The following DNAJB6 variants were observed in gnomAD, a reference collection of about 807,000 sequenced individuals.
DNAJB6 encodes the protein dnaJ homolog subfamily B member 6.
A neutral mutation model predicts 42.7 loss-of-function variants in DNAJB6; 16 were observed. The observed-to-expected ratio is 0.37, with a 90% CI of 0.25 to 0.57. The LOEUF (loss-of-function observed/expected upper bound fraction) is 0.57, where lower values mean the gene tolerates loss of function less well. Ranked by LOEUF, DNAJB6 falls within the 20% of genes least tolerant of loss-of-function variation. The pLI is 0.74. For synonymous variants in DNAJB6, 170 were observed against 163.5 expected, an observed-to-expected ratio of 1.04 and a Z score of -0.30; for missense variants, 347 against 416.8, an observed-to-expected ratio of 0.83 and a Z score of 1.46.
At chr7:157,398,038 T>C (rs903721749) in intron 8 of DNAJB6, among the ~76,000 whole-genome samples, 4 of 152,246 alleles carry the variant, frequency 2.6e-5, no homozygotes, top group Admixed American at 6.5e-5. Context: ...TTGTTCAGCC[T>C]TCGTACCTGC....
intron 5 of DNAJB6, among the ~76,000 whole-genome samples, chr7:157,372,718 C>A (rs112786953): frequency 6.6e-6 from 1 of 152,066 alleles, no homozygotes; most frequent in African/African-American, 2.4e-5. Context: ...GAGTTTGATC[C>A]GTACCACAAA....
chr7:157,377,312 G>A (rs1800523059), intron 5 of DNAJB6, among the ~76,000 whole-genome samples: 1 of 152,136 alleles, frequency 6.6e-6, no homozygotes, highest in Admixed American at 6.5e-5. Flanking sequence ...CCTTAGGTAG[G>A]AATTTGGGCA....
Position 157,416,204 on chromosome 7 carries a change from G to A in DNAJB6, c.*106G>A. The A allele has an allele frequency of 2.0e-6, 3 of 1,508,174 alleles. No individual in the cohort carries two copies. Among genetic ancestry groups the A allele is most frequent in the East Asian group, 2.5e-5 (1 of 40,544 alleles). 93.4% of individuals were successfully genotyped at this position (1,508,174 alleles called of 1,614,324 possible). ...TAGCAGCGTCGGTCAGGACTGTCTC[G>A]AGGCCACACTCGCTCGGCAGGATTA... On this transcript the variant is annotated 3_prime_UTR_variant, in exon 10 of 10. Transcript: ENST00000262177.
intron 8 of DNAJB6, among the ~76,000 whole-genome samples, chr7:157,386,482 G>A (rs761551543): frequency 1.8e-4 from 27 of 152,190 alleles, no homozygotes; most frequent in Non-Finnish European, 3.2e-4. Flanking sequence ...TGTAAGTTGT[G>A]ATTTAGCAAT....
At chr7:157,370,409 CCTTT>C (rs1453030248) in intron 5 of DNAJB6, among the ~76,000 whole-genome samples, 1 of 152,004 alleles carries the variant, frequency 6.6e-6, no homozygotes, top group African/African-American at 2.4e-5. Flanking sequence ...TTAAATGGGC[CCTTT>C]CTTAACATTA....
At chr7:157,385,487 C>T (rs1801005354) in intron 7 of DNAJB6, 54 bp from the exon 8 acceptor site, 1 of 1,574,384 alleles carries the variant, frequency 6.4e-7, no homozygotes. Context: ...TAGTTACCCT[C>T]ACACATGCAT....
intron 1 of DNAJB6, among the ~76,000 whole-genome samples, chr7:157,344,990 T>C (rs1798610774): frequency 6.6e-6 from 1 of 152,142 alleles, no homozygotes. Flanking sequence ...TTTTTGTTTA[T>C]TTTTATTTAT....
intron 1 of DNAJB6, among the ~76,000 whole-genome samples, chr7:157,351,081 T>C (rs888543111): frequency 6.6e-6 from 1 of 152,022 alleles, no homozygotes; most frequent in Non-Finnish European, 1.5e-5. Flanking sequence ...ATTACAGGAA[T>C]GTGCCACCAT....
intron 8 of DNAJB6, among the ~76,000 whole-genome samples, chr7:157,391,642 C>G (rs75623025): frequency 0.014 from 2,158 of 152,312 alleles, 42 homozygotes; most frequent in African/African-American, 0.049. Flanking sequence ...GTGGCAGCAC[C>G]CACTGGGTCT....
intron 8 of DNAJB6, among the ~76,000 whole-genome samples, chr7:157,388,810 C>T (rs1801206316): frequency 1.3e-5 from 2 of 152,110 alleles, no homozygotes; most frequent in South Asian, 4.1e-4. Flanking sequence ...TTGTCATCTC[C>T]TGTTTTCCTA....
chr7:157,367,459 G>A lies in DNAJB6; in HGVS notation c.322G>A (p.Asp108Asn), dbSNP rs757082027. 2 of 1,610,570 alleles carry A rather than the reference G, an allele frequency of 1.2e-6. No homozygotes were observed. Among genetic ancestry groups the A allele is most frequent in the African/African-American group, 2.7e-5 (2 of 74,842 alleles). ...DVFREFFGGR[D>N]PFSFDFFEDP... is the part of the protein sequence containing the mutation. ...CTTCAGGGAATTTTTTGGTGGAAGG[G>A]ACCCATTTTCATTTGACTTCTTTGG... Residue 108 changes from aspartate to asparagine, a missense_variant, in exon 5 of 10, where the codon GAC becomes AAC. Coordinates refer to ENST00000262177, the MANE Select transcript of DNAJB6 (RefSeq NM_058246.4).
intron 1 of DNAJB6, among the ~76,000 whole-genome samples, chr7:157,349,625 C>T (rs995181562): frequency 1.3e-5 from 2 of 151,914 alleles, no homozygotes; most frequent in Non-Finnish European, 2.9e-5. Context: ...TGGGACCATG[C>T]GCTGTGCCAT....
At chr7:157,358,748 T>C (rs1799434191) in intron 2 of DNAJB6, 111 bp downstream of exon 2, 1 of 800,254 alleles carries the variant, frequency 1.2e-6, no homozygotes, top group Non-Finnish European at 2.1e-6. Context: ...AGTATACCAG[T>C]CTTTGAATGC....
chr7:157,402,029 G>A (rs182860130), intron 8 of DNAJB6, among the ~76,000 whole-genome samples: 160 of 152,378 alleles, frequency 1.1e-3, no homozygotes, highest in African/African-American at 3.8e-3. Context: ...CGGAGGGAGC[G>A]TGTCTGCTCT....
chr7:157,369,388 G>A (rs1471773335), intron 5 of DNAJB6: 6 of 456,594 alleles, frequency 1.3e-5, no homozygotes, highest in Admixed American at 1.2e-4. Context: ...TTGAAGTCCT[G>A]TGTTCTGATC....
At chr7:157,350,399 A>G (rs1798908766) in intron 1 of DNAJB6, among the ~76,000 whole-genome samples, 1 of 152,228 alleles carries the variant, frequency 6.6e-6, no homozygotes, top group Non-Finnish European at 1.5e-5. Flanking sequence ...CCTGTATCGC[A>G]TAATTTGAAT....
At chr7:157,386,365 G>GT in intron 8 of DNAJB6, 1 of 968,818 alleles carries the variant, frequency 1.0e-6, no homozygotes, top group Admixed American at 6.2e-5. Context: ...TGGGCTTCTA[G>GT]TGTCACTTTA....
Position 157,362,963 on chromosome 7 carries a change from G to A in DNAJB6, c.66-198G>A, listed in dbSNP as rs771341497. ...TAGCTGGGTCTATCTGTGGCTGCAC[G>A]CCACTACGCCTGGCTATCTGGATTT... On this transcript the variant is annotated intron_variant, in intron 2 of 9. Transcript: ENST00000262177. 4.6e-5 allele frequency among the ~76,000 whole-genome samples: 7 copies of A among 152,176 alleles called. No homozygotes were observed. The South Asian group carries it at 1.0e-3, about 22-fold the overall frequency.
chr7:157,392,705 G>T (rs750586817), intron 8 of DNAJB6, among the ~76,000 whole-genome samples: 1 of 152,198 alleles, frequency 6.6e-6, no homozygotes, highest in Non-Finnish European at 1.5e-5. Flanking sequence ...GGTGCAGTCA[G>T]TGCGAGGAAC....
Sources: gnomAD v4.1 joint callset for allele counts (sites outside exome capture counted in the v4.1 genomes callset) on GRCh38, gnomAD v4.1.1 for gene constraint, MANE v1.5 for transcripts, NCBI Gene and HGNC (gene_info 2026-07-23, HGNC 2026-07-21) for gene names.